SUPT3H: variants seen among roughly 807,000 people sequenced by gnomAD.
SUPT3H encodes SPT3 homolog, SAGA and STAGA complex component.
In SUPT3H, 44 loss-of-function variants were observed where a neutral mutation model predicts 44.3. The ratio of observed to expected loss-of-function variants is 0.99; its 90% CI spans 0.78 to 1.28. The LOEUF (loss-of-function observed/expected upper bound fraction) is 1.28. Ranked by LOEUF, SUPT3H falls within the 50% of genes most tolerant of loss-of-function variation. SUPT3H has a pLI of 0.00. For missense variants in SUPT3H, 380 were observed against 387.1 expected (o/e 0.98, Z 0.15); for synonymous variants, 124 against 125.6 (o/e 0.99, Z 0.09).
At chr6:44,925,182 TA>T (rs1769337681) in intron 10 of SUPT3H, among the ~76,000 whole-genome samples, 1 of 152,094 alleles carries the variant, frequency 6.6e-6, no homozygotes, top group African/African-American at 2.4e-5. Flanking sequence ...TACATCAAAG[TA>T]AATGGGCACA....
At chr6:45,204,250 A>AAGAAGAAGAAGAAGAAGAAGAAGAAGAAG (rs1762860332) in intron 2 of SUPT3H, among the ~76,000 whole-genome samples, 4 of 143,052 alleles carry the variant, frequency 2.8e-5, no homozygotes, top group Admixed American at 2.1e-4. Flanking sequence ...CCGTCTCAAA[A>AAGAAGAAGAAGAAGAAGAAGAAGAAGAAG]AAGAAGAAGA....
chr6:44,920,172 C>T (rs540632593), intron 10 of SUPT3H, among the ~76,000 whole-genome samples: 117 of 152,170 alleles, frequency 7.7e-4, no homozygotes, highest in Non-Finnish European at 1.3e-3. Flanking sequence ...GTCACTGTGC[C>T]CAACCCACAA....
intron 3 of SUPT3H, among the ~76,000 whole-genome samples, chr6:45,054,754 A>G (rs1034788368): frequency 1.3e-5 from 2 of 152,124 alleles, no homozygotes; most frequent in Non-Finnish European, 1.5e-5. Context: ...TCAGCTGCCT[A>G]CTTATCAATT....
At chr6:45,065,140 T>A (rs1327778479) in intron 3 of SUPT3H, among the ~76,000 whole-genome samples, 1 of 151,832 alleles carries the variant, frequency 6.6e-6, no homozygotes, top group East Asian at 1.9e-4. Context: ...CAAACTAGAA[T>A]TCAGGATTAA....
intron 6 of SUPT3H, among the ~76,000 whole-genome samples, chr6:44,993,570 G>T (rs1349949729): frequency 6.6e-6 from 1 of 152,098 alleles, no homozygotes; most frequent in African/African-American, 2.4e-5. Flanking sequence ...AGTATAAAAA[G>T]TCACAGACGG....
At chr6:45,369,412 AGTTT>A (rs1349021355) in intron 1 of SUPT3H, among the ~76,000 whole-genome samples, 1 of 152,198 alleles carries the variant, frequency 6.6e-6, no homozygotes, top group Non-Finnish European at 1.5e-5. Flanking sequence ...AGTTTATATT[AGTTT>A]AATATTAAAT....
At chr6:45,054,193 C>G (rs551082384) in intron 3 of SUPT3H, among the ~76,000 whole-genome samples, 315 of 151,870 alleles carry the variant, frequency 2.1e-3, no homozygotes, top group South Asian at 5.2e-3. Context: ...TCTTCTCCCC[C>G]CTGTAAGCTG....
At chr6:44,983,490 GAAGA>G (rs373142902) in intron 6 of SUPT3H, among the ~76,000 whole-genome samples, 11 of 151,922 alleles carry the variant, frequency 7.2e-5, no homozygotes, top group Non-Finnish European at 1.5e-4. Flanking sequence ...CCCATTAACT[GAAGA>G]AAGAAAGAAA....
At chr6:45,167,149 T>G (rs1490004108) in intron 2 of SUPT3H, among the ~76,000 whole-genome samples, 1 of 152,154 alleles carries the variant, frequency 6.6e-6, no homozygotes, top group African/African-American at 2.4e-5. Context: ...CTGGGTAGGA[T>G]TCCTCAAATG....
chr6:44,961,776 C>T lies in SUPT3H; in HGVS notation c.557G>A (p.Cys186Tyr), dbSNP rs756574775. 4 of 1,606,802 alleles carry T rather than the reference C, an allele frequency of 2.5e-6. No individual in the cohort carries two copies. The South Asian group carries it at 4.5e-5, about 18-fold the overall frequency. ...ACAGAAACTTAATTGTCGACTTTCA[C>T]AGAATTCTGCATATTGAGCTGAATC... ...IMDSAQYAEF[C>Y]ESRQLSFSKK... Residue 186 changes from cysteine to tyrosine, a missense_variant, in exon 7 of 11, where the codon TGT (cysteine) becomes TAT (tyrosine). Physicochemically the swap from Cys to Tyr is radical, Grantham distance 194. Coordinates refer to ENST00000371459, the MANE Select transcript of SUPT3H (RefSeq NM_003599.4).
intron 10 of SUPT3H, among the ~76,000 whole-genome samples, chr6:44,931,522 TTTC>T (rs1313565894): frequency 4.6e-5 from 7 of 152,158 alleles, no homozygotes; most frequent in African/African-American, 1.7e-4. Context: ...GATTTAATTA[TTTC>T]TTTTCAATTA....
At chr6:45,065,687 C>T (rs867137073) in intron 3 of SUPT3H, among the ~76,000 whole-genome samples, 2,635 of 150,938 alleles carry the variant, frequency 0.017, 52 homozygotes, top group South Asian at 0.085. Flanking sequence ...AACACCTCTA[C>T]GCAAATAAAC....
intron 6 of SUPT3H, among the ~76,000 whole-genome samples, chr6:44,985,034 G>T (rs186988460): frequency 4.0e-5 from 6 of 151,770 alleles, no homozygotes; most frequent in African/African-American, 1.4e-4. Context: ...TCACAAAAAA[G>T]TCACATTCAA....
intron 2 of SUPT3H, among the ~76,000 whole-genome samples, chr6:45,144,119 AAAG>A (rs759389529): frequency 2.0e-5 from 3 of 152,172 alleles, no homozygotes; most frequent in South Asian, 2.1e-4. Flanking sequence ...TCAGCCATTC[AAAG>A]AAGAACTGAC....
At chr6:45,175,037 A>G (rs1439694737) in intron 2 of SUPT3H, among the ~76,000 whole-genome samples, 1 of 150,234 alleles carries the variant, frequency 6.7e-6, no homozygotes, top group East Asian at 1.9e-4. Context: ...AAAAAAAAAA[A>G]AAATTAAAAA....
At chr6:45,017,428 T>A (rs1194498986) in intron 4 of SUPT3H, among the ~76,000 whole-genome samples, 2 of 151,484 alleles carry the variant, frequency 1.3e-5, no homozygotes. Context: ...CCCATGCCTA[T>A]GTCCTGAATG....
At chr6:44,863,512 G>A (rs1344839494) in intron 10 of SUPT3H, among the ~76,000 whole-genome samples, 1 of 152,052 alleles carries the variant, frequency 6.6e-6, no homozygotes, top group Non-Finnish European at 1.5e-5. Flanking sequence ...TATAATATAT[G>A]ACCAAAAAGC....
chr6:45,222,872 A>G (rs1213551624), intron 2 of SUPT3H, among the ~76,000 whole-genome samples: 1 of 152,186 alleles, frequency 6.6e-6, no homozygotes, highest in Non-Finnish European at 1.5e-5. Context: ...AAGAGCTAAT[A>G]ACTACTAATG....
chr6:45,065,709 G>T (rs1482742452), intron 3 of SUPT3H, among the ~76,000 whole-genome samples: 2 of 151,094 alleles, frequency 1.3e-5, no homozygotes, highest in Non-Finnish European at 3.0e-5. Context: ...AGAAAATCTA[G>T]AAGAAATGGA....
Sources: gnomAD v4.1 joint callset for allele counts (sites outside exome capture counted in the v4.1 genomes callset) on GRCh38, gnomAD v4.1.1 for gene constraint, MANE v1.5 for transcripts, NCBI Gene and HGNC (gene_info 2026-07-23, HGNC 2026-07-21) for gene names.